Variants in GRIK2 observed in about 807,000 individuals in gnomAD.
GRIK2 encodes the protein glutamate ionotropic receptor kainate type subunit 2.
A neutral mutation model predicts 100.3 loss-of-function variants in GRIK2; 32 were observed. The observed-to-expected ratio is 0.32, with a 90% CI of 0.24 to 0.43. The LOEUF (loss-of-function observed/expected upper bound fraction) is 0.43, where lower values mean the gene tolerates loss of function less well. Among genes scored for constraint, GRIK2 ranks in the 20% least tolerant of loss-of-function variants. The pLI, the probability that GRIK2 is intolerant of heterozygous loss-of-function variation, is 1.00. For missense variants in GRIK2, 843 were observed against 1,114.9 expected (o/e 0.76, Z 3.47); for synonymous variants, 417 against 389.4 (o/e 1.07, Z -0.83).
intron 7 of GRIK2, among the ~76,000 whole-genome samples, chr6:101,716,205 A>G: frequency 6.6e-6 from 1 of 151,758 alleles, no homozygotes; most frequent in East Asian, 1.9e-4. Flanking sequence ...AATGGTGTTT[A>G]ATTAATAATC....
intron 10 of GRIK2, among the ~76,000 whole-genome samples, chr6:101,858,376 A>ATTTT (rs66505184): frequency 4.8e-5 from 6 of 125,470 alleles, no homozygotes; most frequent in African/African-American, 9.0e-5. Context: ...CTCTCTCTCT[A>ATTTT]TTTTTTTTTC....
At chr6:101,681,404 A>ATTTTTTTTT (rs149557882) in intron 5 of GRIK2, among the ~76,000 whole-genome samples, 3 of 111,958 alleles carry the variant, frequency 2.7e-5, no homozygotes, top group Non-Finnish European at 3.8e-5. Flanking sequence ...TTTCTTTTCT[A>ATTTTTTTTT]TTTTTTTTTT....
At chr6:102,052,795 G>T (rs1447853085) in intron 15 of GRIK2, among the ~76,000 whole-genome samples, 1 of 152,012 alleles carries the variant, frequency 6.6e-6, no homozygotes, top group Non-Finnish European at 1.5e-5. Flanking sequence ...TTATATAAAA[G>T]AAATTACAGT....
chr6:101,723,105 A>G (rs989681776), intron 7 of GRIK2, among the ~76,000 whole-genome samples: 3 of 152,082 alleles, frequency 2.0e-5, no homozygotes, highest in African/African-American at 7.2e-5. Context: ...TAGAAAAAAG[A>G]ATTCAAAGCA....
chr6:101,534,364 T>A (rs185072733), intron 2 of GRIK2, among the ~76,000 whole-genome samples: 3 of 152,056 alleles, frequency 2.0e-5, no homozygotes, highest in Admixed American at 2.0e-4. Flanking sequence ...TTTGAGGAAG[T>A]AAATAACTTT....
chr6:101,837,383 G>A (rs753242562), intron 10 of GRIK2, among the ~76,000 whole-genome samples: 5 of 152,110 alleles, frequency 3.3e-5, no homozygotes, highest in African/African-American at 4.8e-5. Context: ...TGAGAGATTA[G>A]ATCTTAACTA....
At chr6:101,713,516 T>C (rs1047748961) in intron 7 of GRIK2, among the ~76,000 whole-genome samples, 5 of 151,796 alleles carry the variant, frequency 3.3e-5, no homozygotes, top group Admixed American at 2.6e-4. Flanking sequence ...GTGGGCTTTA[T>C]TATCTTCAAG....
At chr6:101,523,484 G>A (rs578157603) in intron 2 of GRIK2, among the ~76,000 whole-genome samples, 1 of 152,118 alleles carries the variant, frequency 6.6e-6, no homozygotes, top group Non-Finnish European at 1.5e-5. Context: ...ATCATGAACT[G>A]TATCTTAAAG....
At chr6:101,592,121 A>G (rs556456053) in intron 2 of GRIK2, among the ~76,000 whole-genome samples, 1 of 152,006 alleles carries the variant, frequency 6.6e-6, no homozygotes, top group African/African-American at 2.4e-5. Flanking sequence ...TGCCCTCACT[A>G]GGAGCAGATG....
chr6:102,022,201 TTATA>T (rs1223283715), intron 14 of GRIK2, among the ~76,000 whole-genome samples: 3 of 150,698 alleles, frequency 2.0e-5, no homozygotes, highest in Admixed American at 1.3e-4. Flanking sequence ...AACAAGTAAC[TTATA>T]TACATATAAC....
At position 102,021,532 on chromosome 6, in the gene GRIK2, AGTT is replaced by A. The variant is rs1211703399; in HGVS notation, c.2086-13808_2086-13806del. 4.6e-5 allele frequency among the ~76,000 whole-genome samples: 7 copies of A among 151,710 alleles called. No individual in the cohort carries two copies. In the East Asian group the frequency reaches 7.8e-4, roughly 17 times the overall value. ...TGCTATTCAATAGCTTTCAGGTAGT[AGTT>A]TGCTAATTAATATTTGAAGTAAAAT... On this transcript the variant is annotated intron_variant, in intron 14 of 16. Coordinates refer to ENST00000369134, the MANE Select transcript of GRIK2 (RefSeq NM_021956.5).
chr6:101,488,618 G>T (rs1178866187), intron 2 of GRIK2, among the ~76,000 whole-genome samples: 1 of 146,406 alleles, frequency 6.8e-6, no homozygotes, highest in Non-Finnish European at 1.5e-5. Flanking sequence ...TTTTGCTTTT[G>T]CCATAAATGA....
At chr6:101,561,391 G>A (rs79232000) in intron 2 of GRIK2, among the ~76,000 whole-genome samples, 2 of 151,270 alleles carry the variant, frequency 1.3e-5, no homozygotes, top group African/African-American at 4.9e-5. Flanking sequence ...AAGAGAGAAG[G>A]GGGGGATGAA....
At chr6:101,807,260 C>A (rs751540265) in intron 9 of GRIK2, among the ~76,000 whole-genome samples, 1 of 151,992 alleles carries the variant, frequency 6.6e-6, no homozygotes, top group East Asian at 1.9e-4. Flanking sequence ...TTTTAGATTG[C>A]AGAAGGTCAC....
At chr6:101,879,396 T>G (rs1289537409) in intron 11 of GRIK2, among the ~76,000 whole-genome samples, 1 of 152,022 alleles carries the variant, frequency 6.6e-6, no homozygotes, top group Non-Finnish European at 1.5e-5. Flanking sequence ...CTACTCACTT[T>G]CTGATCACAA....
chr6:101,893,110 A>G (rs2791848), intron 12 of GRIK2, among the ~76,000 whole-genome samples: 141,283 of 151,130 alleles, frequency 0.93, 66,112 homozygotes, highest in Admixed American at 0.97. Flanking sequence ...AATTTAAAAT[A>G]CATTTATTTT....
intron 16 of GRIK2, among the ~76,000 whole-genome samples, chr6:102,064,258 T>C (rs1364706701): frequency 6.7e-6 from 1 of 150,032 alleles, no homozygotes; most frequent in African/African-American, 2.4e-5. Flanking sequence ...TTCTCCTCCT[T>C]CTCCTCCCTC....
At chr6:101,790,098 G>C (rs2128407215) in intron 7 of GRIK2, among the ~76,000 whole-genome samples, 1 of 152,324 alleles carries the variant, frequency 6.6e-6, no homozygotes, top group South Asian at 2.1e-4. Flanking sequence ...AGCTTAAGGA[G>C]ATATCGGGCT....
At chr6:101,683,684 G>A (rs1438383545) in intron 6 of GRIK2, among the ~76,000 whole-genome samples, 2 of 152,090 alleles carry the variant, frequency 1.3e-5, no homozygotes, top group Non-Finnish European at 2.9e-5. Flanking sequence ...ATCTTCGTTC[G>A]AATGAGGTCT....
Sources: allele counts gnomAD v4.1 joint callset (sites outside exome capture counted in the v4.1 genomes callset), GRCh38; gene constraint gnomAD v4.1.1; transcripts MANE v1.5; gene names NCBI Gene and HGNC (gene_info 2026-07-23, HGNC 2026-07-21).